The following CYP4F8 variants were observed in gnomAD, a reference collection of about 807,000 sequenced individuals.
The protein encoded by CYP4F8 is cytochrome P450 family 4 subfamily F member 8.
In CYP4F8, 56 loss-of-function variants were observed where a neutral mutation model predicts 55.0. The ratio of observed to expected loss-of-function variants is 1.02; its 90% CI spans 0.82 to 1.27. The LOEUF (loss-of-function observed/expected upper bound fraction) is 1.27. Ranked by LOEUF, CYP4F8 falls within the 50% of genes most tolerant of loss-of-function variation. The pLI is 0.00. For synonymous variants in CYP4F8, 288 were observed against 267.3 expected (o/e 1.08, Z -0.76); for missense variants, 680 against 682.4 (o/e 1.00, Z 0.04).
chr19:15,617,934 A>G (rs952368903), intron 2 of CYP4F8, 66 bp from the exon 3 acceptor site: 2 of 1,557,558 alleles, frequency 1.3e-6, no homozygotes, highest in South Asian at 1.2e-5. Flanking sequence ...GTTTGACTGG[A>G]TATCTGGGCA....
chr19:15,619,752 AC>A lies in CYP4F8; in HGVS notation c.516del (p.Asn172LysfsTer27). The A allele has an allele frequency of 6.2e-7, 1 of 1,614,134 alleles. No homozygotes were observed. The highest frequency in any genetic ancestry group is 8.5e-7 in the Non-Finnish European group (1 of 1,179,992). Reference sequence around the variant, plus strand: ...ATAAAGATTTTCAGCAAGAGTGCAAACATCATGCATGTGAGTGCCTTGAACT... The same window carrying A: ...ATAAAGATTTTCAGCAAGAGTGCAAAATCATGCATGTGAGTGCCTTGAACT... ...PYIKIFSKSA[N>X]IMHAKWQRLA... On this transcript the variant is annotated frameshift_variant, in exon 5 of 13. Coordinates refer to ENST00000612078, the MANE Select transcript of CYP4F8 (RefSeq NM_007253.4). LOFTEE classifies it high-confidence loss of function.
chr19:15,619,564 G>C lies in CYP4F8; in HGVS notation c.397+21G>C, dbSNP rs140718415. ...GCTGGGTAAGTAACTGTAGGTGGAC[G>C]GGACGGGGACCAACTTTTGTGGCCA... On this transcript the variant is annotated intron_variant, in intron 4 of 12. Coordinates refer to ENST00000612078, the MANE Select transcript of CYP4F8 (RefSeq NM_007253.4). 2.0e-4 allele frequency: 326 copies of C among 1,614,146 alleles called. 3 individuals are homozygous for C. In the African/African-American group the frequency reaches 3.6e-3, roughly 18 times the overall value.
At chr19:15,621,197 C>T (rs1330864968) in intron 5 of CYP4F8, among the ~76,000 whole-genome samples, 2 of 152,152 alleles carry the variant, frequency 1.3e-5, no homozygotes, top group Admixed American at 6.6e-5. Flanking sequence ...TTACCTTATA[C>T]CCCAAGGCTG....
At position 15,629,202 on chromosome 19, in the gene CYP4F8, C is replaced by T. The variant is rs753320788; in HGVS notation, c.1407C>T (p.Ile469=). The change falls in exon 13 of 13, where the codon ATC becomes ATT. Residue 469 remains isoleucine (I), a synonymous_variant. Transcript: ENST00000612078. ...CCACCTTGGCCCCCAGGAACTGCAT[C>T]GGGCAGAAGTTCGCGATGGCAGAGA... is the stretch of plus-strand genomic sequence containing the variant. ...IPFSAGPRNC[I]GQKFAMAEMK... is the part of the protein sequence containing the mutation. The T allele has an allele frequency of 7.5e-6, 12 of 1,607,910 alleles. No individual in the cohort carries two copies. The highest frequency in any genetic ancestry group is 1.8e-4 in the Middle Eastern group (1 of 5,488).
intron 9 of CYP4F8, among the ~76,000 whole-genome samples, chr19:15,626,750 T>C (rs2144611254): frequency 6.6e-6 from 1 of 152,342 alleles, no homozygotes; most frequent in East Asian, 1.9e-4. Flanking sequence ...ATTTATCCTT[T>C]ATATTTTATC....
Position 15,615,608 on chromosome 19 carries a change from C to T in CYP4F8, c.-1-8C>T. 1 of 1,612,954 alleles carries T rather than the reference C, an allele frequency of 6.2e-7. No homozygotes were observed. On this transcript the variant is annotated splice_polypyrimidine_tract_variant and splice_region_variant and intron_variant, in intron 1 of 12. Coordinates refer to ENST00000612078, the MANE Select transcript of CYP4F8 (RefSeq NM_007253.4). The stretch of plus-strand genomic sequence containing the variant: ...AGGACCTCACCCTCCATCCCGTCTG[C>T]CCTGCAGGATGTCGCTGCTGAGCCT...
rs772137097 is a variant in CYP4F8, at chr19:15,619,779, C to T, written c.525+17C>T. 6.2e-7 allele frequency: 1 copy of T among 1,612,540 alleles called. No homozygotes were observed. Among genetic ancestry groups the T allele is most frequent in the African/African-American group, 1.3e-5 (1 of 75,018 alleles). On this transcript the variant is annotated intron_variant, in intron 5 of 12. Coordinates refer to ENST00000612078, the MANE Select transcript of CYP4F8 (RefSeq NM_007253.4). ...ATCATGCATGTGAGTGCCTTGAACT[C>T]AGCATCCCAGCTGCAGCCTTGGGGT...
chr19:15,616,944 C>T (rs1353656152), intron 2 of CYP4F8, among the ~76,000 whole-genome samples: 1 of 152,012 alleles, frequency 6.6e-6, no homozygotes, highest in Non-Finnish European at 1.5e-5. Flanking sequence ...GCAAAAGGTG[C>T]TCCCTGGTGA....
chr19:15,620,885 A>G (rs1006157329), intron 5 of CYP4F8, among the ~76,000 whole-genome samples: 1 of 152,182 alleles, frequency 6.6e-6, no homozygotes, highest in Non-Finnish European at 1.5e-5. Flanking sequence ...TGAAACGACT[A>G]GGATTTTTTT....
intron 3 of CYP4F8, 85 bp downstream of exon 3, chr19:15,618,229 T>G: frequency 3.1e-6 from 5 of 1,594,566 alleles, no homozygotes; most frequent in Middle Eastern, 1.7e-4. Context: ...TGTGCAGCTC[T>G]TGTAGTACTC....
At chr19:15,628,509 A>G (rs764370435) in intron 10 of CYP4F8, 22 bp from the exon 11 acceptor site, 2 of 1,613,614 alleles carry the variant, frequency 1.2e-6, no homozygotes, top group Admixed American at 3.3e-5. Flanking sequence ...CCTTGTTCTT[A>G]CTGTCCTCTC....
chr19:15,624,014 G>A lies in CYP4F8; in HGVS notation c.1035G>A (p.Ala345=), dbSNP rs1314678350. 3.1e-6 allele frequency: 5 copies of A among 1,614,160 alleles called. No individual in the cohort carries two copies. In the Admixed American group the frequency reaches 6.7e-5, roughly 22 times the overall value. The stretch of plus-strand genomic sequence containing the variant: ...TCTCCTGGGTCTTGTACAACCTCGC[G>A]AGGCACCCAGAATACCAAGAACGCT... ...SGLSWVLYNL[A]RHPEYQERCR... Residue 345 remains alanine (A), a synonymous_variant, in exon 9 of 13, where the codon GCG becomes GCA. Coordinates refer to ENST00000612078, the MANE Select transcript of CYP4F8 (RefSeq NM_007253.4).
In CYP4F8 at chr19:15,629,351, T is replaced by G. The variant is rs1327801493; in HGVS notation, c.1556T>G (p.Leu519Arg). ...GGACTTTGGCTGCGAGTAGAACCCCTGGGCTGAGGCCTGCAGTGACCCACC... is the reference window on the plus strand; with the variant it reads ...GGACTTTGGCTGCGAGTAGAACCCCGGGGCTGAGGCCTGCAGTGACCCACC... ...EDGLWLRVEP[L>R]G Residue 519 changes from leucine (L) to arginine (R), a missense_variant, in exon 13 of 13, where the codon CTG becomes CGG. Leu to Arg is a moderately radical substitution (Grantham distance 102). Transcript: ENST00000612078. The G allele has an allele frequency of 6.2e-7, 1 of 1,608,186 alleles. No homozygotes were observed. Among genetic ancestry groups the G allele is most frequent in the Non-Finnish European group, 8.5e-7 (1 of 1,176,976 alleles).
intron 9 of CYP4F8, among the ~76,000 whole-genome samples, chr19:15,625,420 TATAC>T (rs1972250617): frequency 6.7e-6 from 1 of 149,720 alleles, no homozygotes; most frequent in Non-Finnish European, 1.5e-5. Flanking sequence ...ATATATAGTG[TATAC>T]ACTATATATA....
Position 15,618,877 on chromosome 19 carries a change from G to A in CYP4F8, c.344-613G>A, listed in dbSNP as rs140466507. The A allele has an allele frequency of 2.8e-3, 493 of 174,174 alleles. 2 individuals are homozygous for A. The highest frequency in any genetic ancestry group is 0.011 in the African/African-American group (444 of 41,850). The allele number at this position is 174,174 out of a possible 1,614,324, so 10.8% of individuals were successfully genotyped here. On this transcript the variant is annotated intron_variant, in intron 3 of 12. Transcript: ENST00000612078. Reference sequence around the variant, plus strand: ...GGAGACACCACCCCAGCCTGGAGCCGTACCCTTGCCCTCTGCCCTTCCCAT... The same window carrying A: ...GGAGACACCACCCCAGCCTGGAGCCATACCCTTGCCCTCTGCCCTTCCCAT...
Position 15,628,410 on chromosome 19 carries a change from C to A in CYP4F8, c.1224C>A (p.Leu408=). 6.2e-7 allele frequency: 1 copy of A among 1,614,096 alleles called. No homozygotes were observed. Among genetic ancestry groups the A allele is most frequent in the East Asian group, 2.2e-5 (1 of 44,870 alleles). The change falls in exon 10 of 13, where the codon CTC becomes CTA. Residue 408 remains leucine, a synonymous_variant. Coordinates refer to ENST00000612078, the MANE Select transcript of CYP4F8 (RefSeq NM_007253.4). ...FARGCTQDVV[L]PDSRVIPKGN... is the part of the protein sequence containing the mutation. ...GCGGCTGCACCCAGGACGTGGTGCT[C>A]CCAGACAGCCGAGTCATCCCCAAAG...
At chr19:15,626,066 A>G (rs746374787) in intron 9 of CYP4F8, among the ~76,000 whole-genome samples, 137 of 152,212 alleles carry the variant, frequency 9.0e-4, no homozygotes, top group Non-Finnish European at 1.9e-3. Context: ...GATTTGCAGC[A>G]CCGTGGTTCT....
At chr19:15,628,991 G>T in intron 12 of CYP4F8, 148 bp downstream of exon 12, 1 of 1,235,022 alleles carries the variant, frequency 8.1e-7, no homozygotes, top group Non-Finnish European at 1.1e-6. Context: ...AGAGCCTCCT[G>T]CCCCGTCTGG....
chr19:15,628,034 C>A, intron 9 of CYP4F8: 1 of 459,440 alleles, frequency 2.2e-6, no homozygotes, highest in Non-Finnish European at 3.9e-6. Flanking sequence ...GCTGGGATTA[C>A]AGGAGTGAGC....
Sources: gnomAD v4.1 joint callset for allele counts (sites outside exome capture counted in the v4.1 genomes callset) on GRCh38, gnomAD v4.1.1 for gene constraint, MANE v1.5 for transcripts, NCBI Gene and HGNC (gene_info 2026-07-23, HGNC 2026-07-21) for gene names.